The following R3HDM1 variants were observed in gnomAD, a reference collection of about 807,000 sequenced individuals.
The protein encoded by R3HDM1 is R3H domain containing 1, also known as R3H domain-containing protein 1.
R3HDM1 carries 46 observed loss-of-function variants against 141.1 expected under a neutral mutation model. The observed-to-expected ratio is 0.33, with a 90% CI of 0.26 to 0.42. R3HDM1 has a LOEUF of 0.42. Among genes scored for constraint, R3HDM1 ranks in the 10% least tolerant of loss-of-function variants. The probability of loss-of-function intolerance (pLI) is 1.00; values close to 1 mark genes in which losing one functional copy is unlikely to be tolerated. For synonymous variants in R3HDM1, 435 were observed against 472.9 expected, an observed-to-expected ratio of 0.92 and a Z score of 1.04; for missense variants, 1,184 against 1,368.3, an observed-to-expected ratio of 0.87 and a Z score of 2.12.
chr2:135,659,785 T>G (rs1296230923), intron 18 of R3HDM1, among the ~76,000 whole-genome samples: 1 of 152,182 alleles, frequency 6.6e-6, no homozygotes, highest in Non-Finnish European at 1.5e-5. Flanking sequence ...TGTAAATACA[T>G]AAACCAATAA....
intron 1 of R3HDM1, among the ~76,000 whole-genome samples, chr2:135,542,878 A>G (rs1346512076): frequency 6.6e-6 from 1 of 152,172 alleles, no homozygotes; most frequent in Non-Finnish European, 1.5e-5. Context: ...AGCTGGGATT[A>G]CAAGTGTGTG....
intron 1 of R3HDM1, 49 bp downstream of exon 1, chr2:135,531,682 C>CCTTG: frequency 1.0e-6 from 1 of 986,112 alleles, no homozygotes. Flanking sequence ...GAATAACGCG[C>CCTTG]CTTGCTCCCC....
At chr2:135,577,414 CAAAAAAAAAAAAAAA>C (rs35038268) in intron 1 of R3HDM1, among the ~76,000 whole-genome samples, 3 of 15,806 alleles carry the variant, frequency 1.9e-4, no homozygotes, top group African/African-American at 3.2e-4. Context: ...ATTAAATGAC[CAAAAAAAAAAAAAAA>C]AAAAAAAAAA....
At chr2:135,699,835 C>G (rs1052845533) in intron 21 of R3HDM1, among the ~76,000 whole-genome samples, 1 of 152,122 alleles carries the variant, frequency 6.6e-6, no homozygotes, top group Non-Finnish European at 1.5e-5. Flanking sequence ...TAAATTGTTA[C>G]TCGAAGAAAA....
intron 2 of R3HDM1, 93 bp downstream of exon 2, chr2:135,602,801 C>A: frequency 9.4e-7 from 1 of 1,060,338 alleles, no homozygotes; most frequent in Non-Finnish European, 1.3e-6. Context: ...AACTTCACCA[C>A]CCTCTCCCTA....
intron 1 of R3HDM1, among the ~76,000 whole-genome samples, chr2:135,551,360 G>T (rs1699815625): frequency 6.6e-6 from 1 of 152,164 alleles, no homozygotes; most frequent in Admixed American, 6.5e-5. Context: ...ATTATAAAAG[G>T]TATTAAGTAG....
intron 1 of R3HDM1, among the ~76,000 whole-genome samples, chr2:135,535,780 A>G (rs1695969094): frequency 6.6e-6 from 1 of 152,216 alleles, no homozygotes; most frequent in African/African-American, 2.4e-5. Context: ...ATGAGACGTT[A>G]GCATCAACAT....
intron 1 of R3HDM1, among the ~76,000 whole-genome samples, chr2:135,545,149 G>C (rs994240197): frequency 6.6e-6 from 1 of 152,130 alleles, no homozygotes; most frequent in Admixed American, 6.6e-5. Flanking sequence ...GAATGTATCT[G>C]CAAAACTAAA....
chr2:135,631,447 A>G (rs1469930597), intron 7 of R3HDM1, among the ~76,000 whole-genome samples: 1 of 151,960 alleles, frequency 6.6e-6, no homozygotes, highest in Non-Finnish European at 1.5e-5. Context: ...CATGTTGATT[A>G]TTGTTAAAGT....
chr2:135,604,950 A>G lies in R3HDM1; in HGVS notation c.105A>G (p.Ser35=). 1 of 1,612,664 alleles carries G rather than the reference A, an allele frequency of 6.2e-7. No individual in the cohort carries two copies. Among genetic ancestry groups the G allele is most frequent in the South Asian group, 1.1e-5 (1 of 91,024 alleles). ...CCAGAGTTGAAAATCTTATCAAATC[A>G]GAAAACTATGGGAAGATTTTGGTAG... is the stretch of plus-strand genomic sequence containing the variant. ...DTTRVENLIK[S]ENYGKILVEK... Residue 35 remains serine, a synonymous_variant, in exon 3 of 27, where the codon TCA becomes TCG. Coordinates refer to ENST00000683871, the MANE Select transcript of R3HDM1 (RefSeq NM_001378107.1).
intron 16 of R3HDM1, among the ~76,000 whole-genome samples, chr2:135,646,957 C>A (rs952625273): frequency 6.0e-5 from 9 of 150,616 alleles, no homozygotes; most frequent in South Asian, 4.2e-4. Context: ...CAAATGATAT[C>A]ATTTGTATTG....
chr2:135,722,289 G>T (rs567638462), intron 25 of R3HDM1, among the ~76,000 whole-genome samples, 180 bp from the exon 26 acceptor site: 1 of 152,316 alleles, frequency 6.6e-6, no homozygotes, highest in South Asian at 2.1e-4. Flanking sequence ...CAAGTGATCG[G>T]TCATAATGAA....
intron 8 of R3HDM1, 27 bp downstream of exon 8, chr2:135,631,804 G>T: frequency 1.3e-6 from 2 of 1,566,080 alleles, no homozygotes; most frequent in Non-Finnish European, 1.7e-6. Context: ...AACAAGAAAA[G>T]AAATTGTCAT....
intron 3 of R3HDM1, chr2:135,607,749 C>A: frequency 1.4e-6 from 1 of 699,874 alleles, no homozygotes; most frequent in Non-Finnish European, 1.8e-6. Context: ...GGCAGTAAGC[C>A]ACAAGAACAT....
rs113962492 is a variant in R3HDM1, at chr2:135,629,018, C to T, written c.498-2700C>T. 8.1e-4 allele frequency among the ~76,000 whole-genome samples: 123 copies of T among 152,108 alleles called. 1 individual carries two copies. Among genetic ancestry groups the T allele is most frequent in the African/African-American group, 2.8e-3 (118 of 41,528 alleles). ...ACTGAAAATACTGTCTCACAATAAC[C>T]CCAAAAGCTTGGATGAGGCTGGGCA... On this transcript the variant is annotated intron_variant, in intron 7 of 26. Transcript: ENST00000683871.
intron 1 of R3HDM1, among the ~76,000 whole-genome samples, chr2:135,563,082 TGTGA>T (rs1160377005): frequency 2.6e-5 from 4 of 152,212 alleles, no homozygotes; most frequent in Non-Finnish European, 5.9e-5. Context: ...AAATGTCTTA[TGTGA>T]GTGTTTCGTT....
intron 3 of R3HDM1, among the ~76,000 whole-genome samples, chr2:135,613,393 C>T (rs966804771): frequency 6.6e-6 from 1 of 152,170 alleles, no homozygotes; most frequent in African/African-American, 2.4e-5. Flanking sequence ...CGCTTTAAAT[C>T]TCTCTGACTT....
intron 1 of R3HDM1, among the ~76,000 whole-genome samples, chr2:135,575,322 A>G (rs1249042732): frequency 1.3e-5 from 2 of 152,220 alleles, no homozygotes; most frequent in Admixed American, 6.5e-5. Context: ...AGCTGGGATT[A>G]CAGGCACCTG....
intron 23 of R3HDM1, among the ~76,000 whole-genome samples, chr2:135,712,295 G>T (rs1320236564): frequency 6.6e-6 from 1 of 151,970 alleles, no homozygotes; most frequent in Non-Finnish European, 1.5e-5. Flanking sequence ...ACAGGGTCTG[G>T]CTCTGTTACC....
Sources: allele counts gnomAD v4.1 joint callset (sites outside exome capture counted in the v4.1 genomes callset), GRCh38; gene constraint gnomAD v4.1.1; transcripts MANE v1.5; gene names NCBI Gene and HGNC (gene_info 2026-07-23, HGNC 2026-07-21).